REXO4: variants seen among roughly 807,000 people sequenced by gnomAD.
REXO4 encodes REX4 homolog, 3'-5' exonuclease.
In REXO4, 29 loss-of-function variants were observed where a neutral mutation model predicts 39.9. The observed-to-expected ratio is 0.73, with a 90% confidence interval of 0.54 to 0.99. The LOEUF is 0.99. Ranked by LOEUF, REXO4 falls within the 50% of genes least tolerant of loss-of-function variation. The probability of loss-of-function intolerance (pLI) is 0.00; values close to 1 mark genes in which losing one functional copy is unlikely to be tolerated. For synonymous variants in REXO4, 184 were observed against 206.2 expected (o/e 0.89, Z 0.92); for missense variants, 524 against 546.5 (o/e 0.96, Z 0.41).
intron 5 of REXO4, among the ~76,000 whole-genome samples, chr9:133,409,407 T>C (rs1327585746): frequency 2.0e-5 from 3 of 152,072 alleles, no homozygotes; most frequent in African/African-American, 2.4e-5. Context: ...AAAAACAAAA[T>C]CTTGAAATCA....
chr9:133,407,949 C>A, intron 6 of REXO4, 68 bp from the exon 7 acceptor site: 1 of 1,298,068 alleles, frequency 7.7e-7, no homozygotes. Flanking sequence ...CCCCACCAAG[C>A]AGGGAGCGGT....
At position 133,414,801 on chromosome 9, in the gene REXO4, G is replaced by A. The variant is rs782431550; in HGVS notation, c.436C>T (p.Arg146Cys). 37 of 1,613,996 alleles carry A rather than the reference G, an allele frequency of 2.3e-5. No individual in the cohort carries two copies. The highest frequency in any genetic ancestry group is 6.7e-5 in the African/African-American group (5 of 74,894). ...SKMDRRAPVPRTKASGTEHNK... is the reference protein window; with the variant it reads ...SKMDRRAPVPCTKASGTEHNK... ...TGCTCTGTTCCACTGGCCTTGGTGC[G>A]AGGTACTGGCGCCCTCCTGTCCATC... The change falls in exon 2 of 8, where the codon CGC becomes TGC. Residue 146 changes from arginine (R) to cysteine (C), a missense_variant. Arg to Cys is a radical substitution (Grantham distance 180). Transcript: ENST00000371942.
chr9:133,416,353 G>A (rs925148717), intron 1 of REXO4, among the ~76,000 whole-genome samples: 8 of 152,156 alleles, frequency 5.3e-5, no homozygotes, highest in South Asian at 2.1e-4. Context: ...CACCACTGGG[G>A]ATCACATTTC....
In REXO4 at chr9:133,417,819, G is replaced by C; in HGVS notation, c.26C>G (p.Ser9Cys). The C allele has an allele frequency of 6.2e-7, 1 of 1,603,898 alleles. No homozygotes were observed. Among genetic ancestry groups the C allele is most frequent in the Non-Finnish European group, 8.5e-7 (1 of 1,179,764 alleles). MGKAKVPASKRAPSSPVAK... is the reference protein window; with the variant it reads MGKAKVPACKRAPSSPVAK... ...CACGGGGCTGCTCGGGGCGCGCTTG[G>C]AGGCGGGGACCTTCGCCTTCCCCAT... is the stretch of plus-strand genomic sequence containing the variant. The change falls in exon 1 of 8, where the codon TCC (serine) becomes TGC (cysteine). Residue 9 changes from serine (S) to cysteine (C), a missense_variant. Ser to Cys is a moderately radical substitution (Grantham distance 112). Transcript: ENST00000371942.
intron 2 of REXO4, 137 bp from the exon 3 acceptor site, chr9:133,413,058 G>C: frequency 2.3e-6 from 2 of 883,408 alleles, no homozygotes; most frequent in South Asian, 3.5e-5. Flanking sequence ...CAGACACCCC[G>C]ACTGCTGGCC....
intron 7 of REXO4, among the ~76,000 whole-genome samples, chr9:133,407,417 G>C (rs1838950523): frequency 6.6e-6 from 1 of 152,108 alleles, no homozygotes; most frequent in Admixed American, 6.5e-5. Context: ...CAAGCAGATG[G>C]GCAAAAAGGG....
In REXO4 at chr9:133,412,858, C is replaced by T. The variant is rs982608008; in HGVS notation, c.636G>A (p.Ala212=). The part of the protein sequence containing the change: ...ADIEAAIGPE[A]AKIARKQLGQ... ...CCAACTGTTTCCTCGCTATCTTGGCCGCCTCTGGACCTATGGCAGCTTCGA... is the reference window on the plus strand; with the variant it reads ...CCAACTGTTTCCTCGCTATCTTGGCTGCCTCTGGACCTATGGCAGCTTCGA... Residue 212 remains alanine, a synonymous_variant, in exon 3 of 8, where the codon GCG becomes GCA. Transcript: ENST00000371942. The T allele has an allele frequency of 7.4e-6, 12 of 1,613,994 alleles. No individual in the cohort carries two copies. The highest frequency in any genetic ancestry group is 6.7e-5 in the East Asian group (3 of 44,902).
In REXO4 at chr9:133,408,817, T is replaced by C. The variant is rs200105674; in HGVS notation, c.1025A>G (p.Lys342Arg). The stretch of plus-strand genomic sequence containing the variant: ...ATATTTCTGTGTGTCCCGAATCTTC[T>C]TTTTTGGATGATCAAGAAATAGTAC... The part of the protein sequence containing the change: ...LKVLFLDHPK[K>R]KIRDTQKYKP... The change falls in exon 6 of 8, where the codon AAG becomes AGG. Residue 342 changes from lysine (K) to arginine (R), a missense_variant. Lys to Arg is a conservative substitution (Grantham distance 26). Coordinates refer to ENST00000371942, the MANE Select transcript of REXO4 (RefSeq NM_020385.4). 8.8e-6 allele frequency: 14 copies of C among 1,595,678 alleles called. No homozygotes were observed. Among genetic ancestry groups the C allele is most frequent in the Non-Finnish European group, 1.2e-5 (14 of 1,164,972 alleles).
chr9:133,407,982 C>T (rs28556828), intron 6 of REXO4, 101 bp from the exon 7 acceptor site: 68,102 of 845,198 alleles, frequency 0.081, 3,409 homozygotes, highest in African/African-American at 0.18. Context: ...CTCACCCAAG[C>T]GACCTACAGT....
Position 133,412,456 on chromosome 9 carries a change from C to T in REXO4, c.753G>A (p.Val251=), listed in dbSNP as rs781794727. 2 of 1,614,126 alleles carry T rather than the reference C, an allele frequency of 1.2e-6. No homozygotes were observed. The highest frequency in any genetic ancestry group is 3.3e-5 in the Admixed American group (2 of 60,032). ...TCTCCTCCCCCTTAGGGCCCACGCC[C>T]ACCATCTCACAGTCCAAGGCTAAGG... ...TRALALDCEM[V]GVGPKGEESM... is the part of the protein sequence containing the mutation. The change falls in exon 4 of 8, where the codon GTG becomes GTA. Residue 251 remains valine, a synonymous_variant. Coordinates refer to ENST00000371942, the MANE Select transcript of REXO4 (RefSeq NM_020385.4).
intron 2 of REXO4, among the ~76,000 whole-genome samples, chr9:133,413,926 A>T (rs1170846559): frequency 1.3e-5 from 2 of 152,222 alleles, no homozygotes; most frequent in Non-Finnish European, 2.9e-5. Flanking sequence ...CAAATGGCTC[A>T]TTCCTCAGCC....
In REXO4 at chr9:133,417,636, C is replaced by T. The variant is rs1554781944; in HGVS notation, c.209G>A (p.Trp70Ter). 2 of 1,613,740 alleles carry T rather than the reference C, an allele frequency of 1.2e-6. No individual in the cohort carries two copies. The highest frequency in any genetic ancestry group is 2.7e-5 in the African/African-American group (2 of 74,942). The change falls in exon 1 of 8, where the codon TGG becomes TAG. Residue 70 changes from tryptophan (W) to a stop codon, truncating the protein, a stop_gained. Coordinates refer to ENST00000371942, the MANE Select transcript of REXO4 (RefSeq NM_020385.4). LOFTEE classifies it high-confidence loss of function. ...PKAPEDFSQN[W>*]KALQEWLLKQ... ...AAGCCTCACCTCTTGCAGCGCCTTC[C>T]AGTTTTGAGAAAAGTCTTCTGGTGC...
At chr9:133,415,391 A>G (rs1839520599) in intron 1 of REXO4, among the ~76,000 whole-genome samples, 1 of 150,180 alleles carries the variant, frequency 6.7e-6, no homozygotes, top group South Asian at 2.1e-4. Context: ...TTGGGCCAAC[A>G]TCCTGCTACA....
At chr9:133,411,311 CCA>C (rs1308073248) in intron 4 of REXO4, among the ~76,000 whole-genome samples, 1 of 152,204 alleles carries the variant, frequency 6.6e-6, no homozygotes, top group Non-Finnish European at 1.5e-5. Context: ...ATAAAGTGCT[CCA>C]CACAGTCTGC....
At chr9:133,411,890 C>T (rs1218293356) in intron 4 of REXO4, among the ~76,000 whole-genome samples, 1 of 152,078 alleles carries the variant, frequency 6.6e-6, no homozygotes, top group Non-Finnish European at 1.5e-5. Flanking sequence ...TGTGCCATTG[C>T]ACTTCAGCCT....
chr9:133,415,083 G>C, intron 1 of REXO4, 72 bp from the exon 2 acceptor site: 1 of 1,256,896 alleles, frequency 8.0e-7, no homozygotes, highest in Non-Finnish European at 1.1e-6. Context: ...AAAAACTTAC[G>C]TGTGTATGTA....
chr9:133,409,051 C>T (rs587661231), intron 5 of REXO4, among the ~76,000 whole-genome samples: 6 of 150,952 alleles, frequency 4.0e-5, no homozygotes, highest in East Asian at 2.0e-4. Context: ...CTGCAACCTC[C>T]GACCCCAGGT....
intron 6 of REXO4, 106 bp downstream of exon 6, chr9:133,408,662 A>T: frequency 1.3e-6 from 1 of 764,564 alleles, no homozygotes; most frequent in East Asian, 2.5e-5. Flanking sequence ...GTTAAAAGAA[A>T]AAACAAAAAC....
chr9:133,413,061 T>C (rs1839322982), intron 2 of REXO4, 140 bp from the exon 3 acceptor site: 4 of 815,686 alleles, frequency 4.9e-6, no homozygotes, highest in Non-Finnish European at 7.5e-6. Context: ...ACACCCCGAC[T>C]GCTGGCCCTG....
Sources: allele counts gnomAD v4.1 joint callset (sites outside exome capture counted in the v4.1 genomes callset), GRCh38; gene constraint gnomAD v4.1.1; transcripts MANE v1.5; gene names NCBI Gene and HGNC (gene_info 2026-07-23, HGNC 2026-07-21).